Variants in LRP1B observed in about 807,000 individuals in gnomAD.
LRP1B encodes the protein low-density lipoprotein receptor-related protein 1B.
In LRP1B, 217 loss-of-function variants were observed where a neutral mutation model predicts 556.6. The observed-to-expected ratio is 0.39, with a 90% CI of 0.35 to 0.44. LRP1B has a LOEUF of 0.44. Ranked by LOEUF, LRP1B falls within the 20% of genes least tolerant of loss-of-function variation. The pLI is 1.00. For synonymous variants in LRP1B, 2,047 were observed against 1,865.8 expected (o/e 1.10, Z -2.50); for missense variants, 5,053 against 5,620.8 (o/e 0.90, Z 3.23).
chr2:141,634,243 T>C (rs1331687588), intron 2 of LRP1B, among the ~76,000 whole-genome samples: 1 of 152,022 alleles, frequency 6.6e-6, no homozygotes, highest in Non-Finnish European at 1.5e-5. Context: ...AATAATGTTG[T>C]AATTGGGGAA....
intron 7 of LRP1B, among the ~76,000 whole-genome samples, chr2:141,082,914 A>C (rs1339203271): frequency 6.6e-6 from 1 of 152,214 alleles, no homozygotes; most frequent in African/African-American, 2.4e-5. Flanking sequence ...ATTTTATGTT[A>C]TGTGATCCCA....
At chr2:141,666,231 T>A (rs1690427081) in intron 2 of LRP1B, among the ~76,000 whole-genome samples, 2 of 152,284 alleles carry the variant, frequency 1.3e-5, no homozygotes, top group South Asian at 4.1e-4. Flanking sequence ...ACTGACTTCT[T>A]AGACAAGCTC....
intron 7 of LRP1B, among the ~76,000 whole-genome samples, chr2:141,088,838 T>C (rs1700107947): frequency 6.6e-6 from 1 of 152,184 alleles, no homozygotes; most frequent in African/African-American, 2.4e-5. Flanking sequence ...CAGGATATTA[T>C]GTTTTGCCTT....
chr2:141,018,984 G>A (rs1017673175), intron 12 of LRP1B, among the ~76,000 whole-genome samples: 1 of 151,936 alleles, frequency 6.6e-6, no homozygotes. Context: ...GTGCAGTAAA[G>A]TGTAAAGAAA....
At chr2:141,327,604 C>A (rs1305193435) in intron 3 of LRP1B, among the ~76,000 whole-genome samples, 2 of 152,016 alleles carry the variant, frequency 1.3e-5, no homozygotes, top group Non-Finnish European at 2.9e-5. Flanking sequence ...TCCATATATC[C>A]CTTTGCTGCC....
intron 1 of LRP1B, among the ~76,000 whole-genome samples, chr2:141,891,095 C>A (rs1699277416): frequency 6.6e-6 from 1 of 152,028 alleles, no homozygotes; most frequent in Non-Finnish European, 1.5e-5. Context: ...TACAGCATGC[C>A]ACTGGATGAA....
intron 3 of LRP1B, among the ~76,000 whole-genome samples, chr2:141,277,498 C>T (rs300395): frequency 0.96 from 146,396 of 152,284 alleles, 70,620 homozygotes; most frequent in East Asian, 1. Context: ...TCAGTGTTAA[C>T]TGTGAATACT....
intron 2 of LRP1B, among the ~76,000 whole-genome samples, chr2:141,553,702 A>C (rs1327945598): frequency 1.5e-5 from 2 of 134,268 alleles, no homozygotes; most frequent in Non-Finnish European, 3.1e-5. Context: ...TATATATTAT[A>C]TAGATCTATA....
chr2:141,921,221 C>T (rs1471744569), intron 1 of LRP1B, among the ~76,000 whole-genome samples: 1 of 151,974 alleles, frequency 6.6e-6, no homozygotes, highest in Non-Finnish European at 1.5e-5. Context: ...TAACGGCATG[C>T]TTTATGTACA....
At chr2:141,471,234 C>T (rs1301542323) in intron 3 of LRP1B, among the ~76,000 whole-genome samples, 1 of 150,500 alleles carries the variant, frequency 6.6e-6, no homozygotes, top group Non-Finnish European at 1.5e-5. Context: ...TTTCATATAA[C>T]ACCCTTAAAA....
chr2:140,347,211 A>C (rs748486147), intron 77 of LRP1B, among the ~76,000 whole-genome samples: 1 of 151,902 alleles, frequency 6.6e-6, no homozygotes, highest in Non-Finnish European at 1.5e-5. Flanking sequence ...TCTGGGTACT[A>C]AAATTAACAT....
intron 1 of LRP1B, among the ~76,000 whole-genome samples, chr2:141,986,272 A>G (rs1234032765): frequency 6.6e-6 from 1 of 151,984 alleles, no homozygotes; most frequent in Admixed American, 6.6e-5. Flanking sequence ...GTTATATTTT[A>G]CCACAATAAA....
At chr2:141,727,470 A>G (rs1693082309) in intron 2 of LRP1B, among the ~76,000 whole-genome samples, 3 of 152,182 alleles carry the variant, frequency 2.0e-5, no homozygotes, top group Admixed American at 6.6e-5. Flanking sequence ...CTACTTCTCC[A>G]GTACAATTTA....
intron 7 of LRP1B, among the ~76,000 whole-genome samples, chr2:141,089,611 A>G (rs1179717129): frequency 6.6e-6 from 1 of 152,188 alleles, no homozygotes; most frequent in African/African-American, 2.4e-5. Context: ...GCATGCTACC[A>G]CTGTGCATAA....
At chr2:140,974,485 T>C (rs1696530722) in intron 18 of LRP1B, among the ~76,000 whole-genome samples, 1 of 152,156 alleles carries the variant, frequency 6.6e-6, no homozygotes, top group African/African-American at 2.4e-5. Context: ...TCCTTATTTA[T>C]ACTGTGAAAA....
At chr2:141,941,693 G>A (rs1291716193) in intron 1 of LRP1B, among the ~76,000 whole-genome samples, 2 of 152,148 alleles carry the variant, frequency 1.3e-5, no homozygotes, top group Non-Finnish European at 2.9e-5. Flanking sequence ...AGGGCAGAGG[G>A]TAAACCATGA....
chr2:141,544,328 C>CTTCTT (rs1559131012), intron 2 of LRP1B, among the ~76,000 whole-genome samples: 30 of 36,976 alleles, frequency 8.1e-4, no homozygotes, highest in South Asian at 6.6e-3. Flanking sequence ...TCTTCTTCTT[C>CTTCTT]TTCTTCTTCT....
intron 1 of LRP1B, among the ~76,000 whole-genome samples, chr2:141,904,151 A>G (rs1699694373): frequency 6.6e-6 from 1 of 151,978 alleles, no homozygotes; most frequent in East Asian, 1.9e-4. Context: ...TGTGATAGAT[A>G]ATTCAGAAAG....
chr2:141,257,994 A>C (rs759844875), intron 3 of LRP1B, among the ~76,000 whole-genome samples: 2 of 152,318 alleles, frequency 1.3e-5, no homozygotes, highest in South Asian at 2.1e-4. Context: ...TTGAATCATT[A>C]GTCTTCACCC....
Sources: allele counts gnomAD v4.1 joint callset (sites outside exome capture counted in the v4.1 genomes callset), GRCh38; gene constraint gnomAD v4.1.1; transcripts MANE v1.5; gene names NCBI Gene and HGNC (gene_info 2026-07-23, HGNC 2026-07-21).